The following CDHR2 variants were observed in gnomAD, a reference collection of about 807,000 sequenced individuals.
The protein encoded by CDHR2 is cadherin-related family member 2.
CDHR2 carries 104 observed loss-of-function variants against 138.6 expected under a neutral mutation model. The ratio of observed to expected loss-of-function variants is 0.75; its 90% CI spans 0.64 to 0.88. CDHR2 has a LOEUF of 0.88. CDHR2 is among the 40% of genes least tolerant of loss of function. The probability of loss-of-function intolerance (pLI) is 0.00; values close to 1 mark genes in which losing one functional copy is unlikely to be tolerated. For synonymous variants in CDHR2, 755 were observed against 742.8 expected (o/e 1.02, Z -0.27); for missense variants, 1,624 against 1,727.6 (o/e 0.94, Z 1.06).
In CDHR2 at chr5:176,578,447, G is replaced by A. The variant is rs138010767; in HGVS notation, c.1657G>A (p.Val553Met). The A allele has an allele frequency of 5.8e-5, 93 of 1,613,900 alleles. No individual in the cohort carries two copies. Among genetic ancestry groups the A allele is most frequent in the Non-Finnish European group, 6.9e-5 (81 of 1,179,856 alleles). Residue 553 changes from valine to methionine, a missense_variant, in exon 16 of 32, where the codon GTG (valine) becomes ATG (methionine). By Grantham distance (21) the Val-to-Met change is conservative (BLOSUM62 1). Coordinates refer to ENST00000261944, the MANE Select transcript of CDHR2 (RefSeq NM_017675.6). Reference protein sequence around the residue: ...GELLDRESQAVYYLTLQATDG... With the variant: ...GELLDRESQAMYYLTLQATDG... ...GCTGCTGGACCGGGAGAGCCAGGCC[G>A]TGTACTACCTGACGCTGCAGGCCAC...
chr5:176,575,839 G>A lies in CDHR2; in HGVS notation c.960G>A (p.Thr320=), dbSNP rs780769740. Residue 320 remains threonine, a splice_region_variant and synonymous_variant, in exon 11 of 32, where the codon ACG becomes ACA. Coordinates refer to ENST00000261944, the MANE Select transcript of CDHR2 (RefSeq NM_017675.6). ...ATGAGGAGGTGCAGCTGCAGGTCAC[G>A]GTGAGCAAAGGCCCCACCACCCCTG... is the stretch of plus-strand genomic sequence containing the variant. The part of the protein sequence containing the change: ...EADEEVQLQV[T]ATETHLNIYG... The A allele has an allele frequency of 3.2e-5, 49 of 1,547,040 alleles. No homozygotes were observed. Among genetic ancestry groups the A allele is most frequent in the South Asian group, 3.0e-4 (25 of 83,478 alleles).
At chr5:176,566,030 A>T (rs981291904) in intron 3 of CDHR2, among the ~76,000 whole-genome samples, 2 of 150,748 alleles carry the variant, frequency 1.3e-5, no homozygotes, top group Non-Finnish European at 2.9e-5. Context: ...TGACTGGAGG[A>T]TCCCCTTGGG....
intron 1 of CDHR2, among the ~76,000 whole-genome samples, chr5:176,557,526 T>G (rs1404983498): frequency 6.6e-6 from 1 of 150,880 alleles, no homozygotes; most frequent in East Asian, 2.0e-4. Context: ...TAAGACATTA[T>G]CTGTTTATTT....
rs764639909 is a variant in CDHR2, at chr5:176,576,141, A to G, written c.1150A>G (p.Ile384Val). The G allele has an allele frequency of 1.9e-6, 3 of 1,613,854 alleles. No homozygotes were observed. Among genetic ancestry groups the G allele is most frequent in the Non-Finnish European group, 2.5e-6 (3 of 1,180,008 alleles). ...GYVDEHASPR[I>V]PIDDLTMVVY... ...CGTGGACGAGCATGCCTCCCCCCGC[A>G]TCCCCATCGATGACCTCACCATGGT... Residue 384 changes from isoleucine to valine, a missense_variant, in exon 12 of 32, where the codon ATC (isoleucine) becomes GTC (valine). By Grantham distance (29) the Ile-to-Val change is conservative. Transcript: ENST00000261944. The surrounding 1 kb of genome is among the most constrained non-coding windows in gnomAD (Gnocchi z 4.5).
rs114341420 is a variant in CDHR2 at position 176,586,000 on chromosome 5, T to C, written c.2781T>C (p.Tyr927=). ...TIEDVNDNAP[Y]FLPENKTFVI... is the part of the protein sequence containing the mutation. Reference sequence around the variant, plus strand: ...AGGACGTGAATGACAATGCACCCTATTTTCTGCCTGAGAATAAGACTTTTG... The same window carrying C: ...AGGACGTGAATGACAATGCACCCTACTTTCTGCCTGAGAATAAGACTTTTG... Residue 927 remains tyrosine (Y), a synonymous_variant, in exon 20 of 32, where the codon TAT becomes TAC. Transcript: ENST00000261944. 4.3e-6 allele frequency: 7 copies of C among 1,613,890 alleles called. No homozygotes were observed. In the East Asian group the frequency reaches 6.7e-5, roughly 15 times the overall value.
intron 3 of CDHR2, 59 bp downstream of exon 3, chr5:176,565,802 G>A (rs897108754): frequency 1.4e-6 from 2 of 1,427,804 alleles, no homozygotes; most frequent in African/African-American, 1.4e-5. Context: ...GAAAGTCCTG[G>A]GGTGCCCTCT....
intron 17 of CDHR2, among the ~76,000 whole-genome samples, chr5:176,583,988 C>T (rs1280200516): frequency 6.6e-6 from 1 of 152,164 alleles, no homozygotes; most frequent in East Asian, 1.9e-4. Flanking sequence ...CAAGGTCCCA[C>T]TGTAGGTCCC....
Position 176,578,095 on chromosome 5 carries a change from G to A in CDHR2, c.1574G>A (p.Gly525Glu). ...QITYSLLPGN[G>E]ADLFQVDPVS... ...ACCTACAGCCTGCTCCCAGGAAATG[G>A]GTAAGGGCTCAGGGTGGGCCGTAGG... is the stretch of plus-strand genomic sequence containing the variant. The change falls in exon 15 of 32, where the codon GGG (glycine) becomes GAG (glutamate). Residue 525 changes from glycine (G) to glutamate (E), a missense_variant and splice_region_variant. Gly to Glu is a moderately conservative substitution (Grantham distance 98, BLOSUM62 -2). This residue lies in a region of CDHR2 where 1,061 missense variants were observed against 1,136.6 expected (regional missense o/e 0.93). Transcript: ENST00000261944. 1 of 1,612,316 alleles carries A rather than the reference G, an allele frequency of 6.2e-7. No individual in the cohort carries two copies. The highest frequency in any genetic ancestry group is 8.5e-7 in the Non-Finnish European group (1 of 1,178,756).
chr5:176,573,661 G>C (rs1758286663), intron 6 of CDHR2, among the ~76,000 whole-genome samples: 1 of 151,848 alleles, frequency 6.6e-6, no homozygotes, highest in Non-Finnish European at 1.5e-5. Context: ...AAAAAAAAAG[G>C]AGGTAGAGTT....
In CDHR2 at chr5:176,590,438, G is replaced by A. The variant is rs757957847; in HGVS notation, c.3367G>A (p.Asp1123Asn). The A allele has an allele frequency of 6.2e-7, 1 of 1,614,084 alleles. No homozygotes were observed. The highest frequency in any genetic ancestry group is 2.2e-5 in the East Asian group (1 of 44,876). The stretch of plus-strand genomic sequence containing the variant: ...TTCTGTGGCCAGGATGATCCGGAAT[G>A]ATCAGGACTCGCTGACGCAGCTGCT... ...LDELSVMIRN[D>N]QDSLTQLLQL... Residue 1123 changes from aspartate (D) to asparagine (N), a missense_variant, in exon 27 of 32, where the codon GAT (aspartate) becomes AAT (asparagine). Asp to Asn is a conservative substitution (Grantham distance 23). Coordinates refer to ENST00000261944, the MANE Select transcript of CDHR2 (RefSeq NM_017675.6).
intron 30 of CDHR2, among the ~76,000 whole-genome samples, chr5:176,592,030 G>A (rs1429988018): frequency 6.8e-6 from 1 of 147,342 alleles, no homozygotes; most frequent in Non-Finnish European, 1.5e-5. Context: ...GATGGTGGTG[G>A]CAATGGTGAT....
intron 7 of CDHR2, 56 bp from the exon 8 acceptor site, chr5:176,575,028 G>T (rs1417991486): frequency 1.2e-6 from 2 of 1,602,648 alleles, no homozygotes; most frequent in Non-Finnish European, 1.7e-6. Context: ...CTCAGAGTGG[G>T]GTCCTCGGTG....
chr5:176,567,554 C>T (rs373038642), intron 3 of CDHR2, among the ~76,000 whole-genome samples: 18 of 152,090 alleles, frequency 1.2e-4, no homozygotes, highest in African/African-American at 3.9e-4. Flanking sequence ...TGCAGTGGTG[C>T]GATCTCAGCT....
At position 176,585,947 on chromosome 5, in the gene CDHR2, C is replaced by G. The variant is rs1270776540; in HGVS notation, c.2735-7C>G. ...CAGAGCCAAAGCCAGCTGACCTTGTCTCCTAGGAAGCCTCCTCATTACCAT... is the reference window on the plus strand; with the variant it reads ...CAGAGCCAAAGCCAGCTGACCTTGTGTCCTAGGAAGCCTCCTCATTACCAT... On this transcript the variant is annotated splice_polypyrimidine_tract_variant and splice_region_variant and intron_variant, in intron 19 of 31. Coordinates refer to ENST00000261944, the MANE Select transcript of CDHR2 (RefSeq NM_017675.6). 2 of 1,611,986 alleles carry G rather than the reference C, an allele frequency of 1.2e-6. No individual in the cohort carries two copies. Among genetic ancestry groups the G allele is most frequent in the African/African-American group, 2.7e-5 (2 of 74,960 alleles).
At chr5:176,542,877 G>C (rs1390188866) in intron 1 of CDHR2, 1 of 152,278 alleles carries the variant, frequency 6.6e-6, no homozygotes, top group Non-Finnish European at 1.5e-5. Context: ...GGGGCGTCGG[G>C]GAAATGTTTA....
upstream of CDHR2, among the ~76,000 whole-genome samples, chr5:176,545,501 G>T (rs946988813): frequency 6.6e-6 from 1 of 152,220 alleles, no homozygotes; most frequent in Non-Finnish European, 1.5e-5. Context: ...TGGCTGTGAA[G>T]GAACCCTGAT....
chr5:176,555,126 G>A lies in CDHR2; in HGVS notation c.-16+5712G>A, dbSNP rs75266076. ...ATCATTGCCTGTGTTTCATGTTACGGTCACTTCCAGCTTCCCATGATTATA... is the reference window on the plus strand; with the variant it reads ...ATCATTGCCTGTGTTTCATGTTACGATCACTTCCAGCTTCCCATGATTATA... On this transcript the variant is annotated intron_variant, in intron 1 of 31. Coordinates refer to ENST00000261944, the MANE Select transcript of CDHR2 (RefSeq NM_017675.6). 1.7e-3 allele frequency among the ~76,000 whole-genome samples: 263 copies of A among 152,302 alleles called. 2 individuals carry two copies. Among genetic ancestry groups the A allele is most frequent in the African/African-American group, 6.2e-3 (259 of 41,560 alleles).
Position 176,568,899 on chromosome 5 carries a change from AC to A in CDHR2, c.265-56del, listed in dbSNP as rs1561871025. 3.1e-6 allele frequency: 5 copies of A among 1,611,086 alleles called. No homozygotes were observed. In the Admixed American group the frequency reaches 5.0e-5, roughly 16 times the overall value. On this transcript the variant is annotated intron_variant, in intron 4 of 31. Transcript: ENST00000261944. ...TGGGAGCCCGCGTCCTGGTGGCGGCACCCCCTGTGCTCCCACCCAGCGGGGG... is the reference window on the plus strand; with the variant it reads ...TGGGAGCCCGCGTCCTGGTGGCGGCACCCCTGTGCTCCCACCCAGCGGGGG...
At position 176,569,287 on chromosome 5, in the gene CDHR2, GT is replaced by G. The variant is rs549604043; in HGVS notation, c.315+291del. 1.3e-3 allele frequency among the ~76,000 whole-genome samples: 186 copies of G among 141,092 alleles called. 2 individuals carry two copies. Among genetic ancestry groups the G allele is most frequent in the African/African-American group, 4.2e-3 (163 of 38,456 alleles). The allele number at this position is 141,092 out of a possible 152,430, so 92.6% of individuals were successfully genotyped here. ...GTTATATTTTAATTGTAAATTAAAT[GT>G]TTTTTTTTTTTTTGAGACGGAGTCT... is the stretch of plus-strand genomic sequence containing the variant. On this transcript the variant is annotated intron_variant, in intron 5 of 31. Coordinates refer to ENST00000261944, the MANE Select transcript of CDHR2 (RefSeq NM_017675.6).
Sources: allele counts gnomAD v4.1 joint callset (sites outside exome capture counted in the v4.1 genomes callset), GRCh38; gene constraint gnomAD v4.1.1; regional missense constraint gnomAD v4.1.1; non-coding constraint Gnocchi (gnomAD v3.1); transcripts MANE v1.5; gene names NCBI Gene and HGNC (gene_info 2026-07-23, HGNC 2026-07-21).